Variants in CSMD1 observed in about 807,000 individuals in gnomAD.
CSMD1 encodes the protein CUB and Sushi multiple domains 1.
CSMD1 carries 213 observed loss-of-function variants against 417.5 expected under a neutral mutation model. The observed-to-expected ratio is 0.51, with a 90% CI of 0.46 to 0.57. The LOEUF (loss-of-function observed/expected upper bound fraction) is 0.57. CSMD1 is among the 20% of genes least tolerant of loss of function. The probability of loss-of-function intolerance (pLI) is 0.00; values close to 1 mark genes in which losing one functional copy is unlikely to be tolerated. For synonymous variants in CSMD1, 2,862 were observed against 1,736.8 expected, an observed-to-expected ratio of 1.65 and a Z score of -16.11; for missense variants, 6,923 against 4,529.7, an observed-to-expected ratio of 1.53 and a Z score of -15.17.
chr8:4,244,316 C>G (rs1802570840), intron 3 of CSMD1, among the ~76,000 whole-genome samples: 2 of 152,078 alleles, frequency 1.3e-5, no homozygotes, highest in Non-Finnish European at 2.9e-5. Flanking sequence ...TGTCTCCATG[C>G]CTGAAACTTT....
intron 3 of CSMD1, among the ~76,000 whole-genome samples, chr8:4,152,791 T>C (rs1224735591): frequency 1.3e-5 from 2 of 152,186 alleles, no homozygotes; most frequent in Non-Finnish European, 2.9e-5. Context: ...TGCATTTTTA[T>C]GGGAATATAC....
At chr8:4,823,549 G>A (rs1186741269) in intron 1 of CSMD1, among the ~76,000 whole-genome samples, 1 of 152,100 alleles carries the variant, frequency 6.6e-6, no homozygotes, top group Non-Finnish European at 1.5e-5. Context: ...CTTAGTCCAA[G>A]CCCTCGTAGT....
At chr8:3,880,789 T>C (rs1358677029) in intron 5 of CSMD1, among the ~76,000 whole-genome samples, 10 of 152,230 alleles carry the variant, frequency 6.6e-5, no homozygotes, top group Non-Finnish European at 1.0e-4. Context: ...CAATGTATTT[T>C]CTTTTAGATG....
intron 3 of CSMD1, among the ~76,000 whole-genome samples, chr8:4,319,765 G>T (rs1361288645): frequency 6.6e-6 from 1 of 152,108 alleles, no homozygotes; most frequent in African/African-American, 2.4e-5. Flanking sequence ...TGCTAGAGTT[G>T]CCGGGCAAAA....
intron 3 of CSMD1, among the ~76,000 whole-genome samples, chr8:4,212,751 C>A (rs201347493): frequency 1.0e-5 from 1 of 99,232 alleles, no homozygotes. Flanking sequence ...CGGCCTTATT[C>A]TTTTTTTTTT....
chr8:4,024,055 A>G (rs1033959508), intron 4 of CSMD1, among the ~76,000 whole-genome samples: 4 of 152,148 alleles, frequency 2.6e-5, no homozygotes, highest in Non-Finnish European at 5.9e-5. Context: ...AGGCCAAAAC[A>G]GGAGAGAAAA....
chr8:4,635,426 G>T (rs755025846), intron 2 of CSMD1, among the ~76,000 whole-genome samples: 1 of 151,972 alleles, frequency 6.6e-6, no homozygotes, highest in Non-Finnish European at 1.5e-5. Context: ...GACCATAAGA[G>T]ATAATACATT....
At chr8:4,777,606 C>A (rs561080932) in intron 1 of CSMD1, among the ~76,000 whole-genome samples, 1 of 152,208 alleles carries the variant, frequency 6.6e-6, no homozygotes, top group South Asian at 2.1e-4. Context: ...ATGTACATAC[C>A]CTTTGATTGT....
intron 6 of CSMD1, among the ~76,000 whole-genome samples, chr8:3,750,787 C>A (rs1347677279): frequency 6.6e-6 from 1 of 152,174 alleles, no homozygotes; most frequent in Non-Finnish European, 1.5e-5. Context: ...GGGCCCATCT[C>A]ATCCTAAGCT....
chr8:3,277,175 T>C (rs1390241476), intron 26 of CSMD1, among the ~76,000 whole-genome samples: 1 of 151,966 alleles, frequency 6.6e-6, no homozygotes, highest in Admixed American at 6.6e-5. Flanking sequence ...TGATTGAGGA[T>C]GATGTTGAAA....
intron 3 of CSMD1, among the ~76,000 whole-genome samples, chr8:4,188,542 G>C (rs1239214915): frequency 6.6e-6 from 1 of 152,078 alleles, no homozygotes; most frequent in Non-Finnish European, 1.5e-5. Flanking sequence ...GCTGTCTTTA[G>C]GAATTCAGGC....
intron 5 of CSMD1, among the ~76,000 whole-genome samples, chr8:3,869,987 C>T (rs143718645): frequency 1.1e-3 from 160 of 151,840 alleles, no homozygotes; most frequent in African/African-American, 3.8e-3. Context: ...AATAATAATA[C>T]ATAACTAGAG....
rs571620517 is a variant in CSMD1 at position 3,382,939 on chromosome 8, A to T, written c.2782+4555T>A. Among the ~76,000 whole-genome samples, 74 of 152,326 alleles carry T rather than the reference A, an allele frequency of 4.9e-4. No individual in the cohort carries two copies. In the South Asian group the frequency reaches 0.015, roughly 31 times the overall value. ...TCTCAAAAAAACCCAAAACTAAATG[A>T]CAAAGAAAACATGATGCTCACAGGC... On this transcript the variant is annotated intron_variant, in intron 18 of 69. Transcript: ENST00000635120.
At chr8:3,412,830 G>C (rs912609950) in intron 12 of CSMD1, among the ~76,000 whole-genome samples, 1 of 152,230 alleles carries the variant, frequency 6.6e-6, no homozygotes, top group Non-Finnish European at 1.5e-5. Flanking sequence ...GGGATGCCTT[G>C]AATGAGCGTC....
chr8:4,462,421 A>T (rs1799889800), intron 2 of CSMD1, among the ~76,000 whole-genome samples: 1 of 152,116 alleles, frequency 6.6e-6, no homozygotes, highest in Admixed American at 6.5e-5. Context: ...AATACTCCCC[A>T]AATTGATTAG....
intron 1 of CSMD1, among the ~76,000 whole-genome samples, chr8:4,976,772 A>T (rs1162311722): frequency 1.3e-5 from 2 of 152,206 alleles, no homozygotes; most frequent in African/African-American, 4.8e-5. Flanking sequence ...CAAATGTGAT[A>T]TGGTAGGTAT....
At chr8:3,517,894 A>G (rs1797347890) in intron 10 of CSMD1, among the ~76,000 whole-genome samples, 1 of 152,190 alleles carries the variant, frequency 6.6e-6, no homozygotes, top group South Asian at 2.1e-4. Context: ...AGATTTAAAG[A>G]AATGTGAAGA....
chr8:3,095,029 G>A (rs1815201463), intron 47 of CSMD1, among the ~76,000 whole-genome samples: 1 of 151,990 alleles, frequency 6.6e-6, no homozygotes, highest in African/African-American at 2.4e-5. Flanking sequence ...GTTTATAATG[G>A]CTATGATCTG....
chr8:3,767,407 C>G (rs1034976694), intron 5 of CSMD1, among the ~76,000 whole-genome samples: 5 of 152,208 alleles, frequency 3.3e-5, no homozygotes, highest in African/African-American at 1.2e-4. Flanking sequence ...CCTCCTAAAC[C>G]TCAGAATTGT....
Sources: allele counts gnomAD v4.1 joint callset (sites outside exome capture counted in the v4.1 genomes callset), GRCh38; gene constraint gnomAD v4.1.1; transcripts MANE v1.5; gene names NCBI Gene and HGNC (gene_info 2026-07-23, HGNC 2026-07-21).